The following ARID1B variants were observed in gnomAD, a reference collection of about 807,000 sequenced individuals.
The protein encoded by ARID1B is AT-rich interaction domain 1B, also known as AT-rich interactive domain-containing protein 1B.
A neutral mutation model predicts 212.3 loss-of-function variants in ARID1B; 30 were observed. That is an observed-to-expected ratio of 0.14 (90% CI 0.11 to 0.19). ARID1B has a LOEUF of 0.19. Among genes scored for constraint, ARID1B ranks in the 10% least tolerant of loss-of-function variants. The probability of loss-of-function intolerance (pLI) is 1.00; values close to 1 mark genes in which losing one functional copy is unlikely to be tolerated. For synonymous variants in ARID1B, 1,402 were observed against 1,301.7 expected, an observed-to-expected ratio of 1.08 and a Z score of -1.66; for missense variants, 2,891 against 3,204.0, an observed-to-expected ratio of 0.90 and a Z score of 2.36.
rs950931904 is a variant in ARID1B at position 157,209,143 on chromosome 6, GA to G, written c.*1259del. ...TAATGTAGTTTAAAAAAAAAAAAAA[GA>G]AAAAAACTTGATGTAAATTCCTCCT... On this transcript the variant is annotated 3_prime_UTR_variant, in exon 20 of 20. Coordinates refer to ENST00000636930, the MANE Select transcript of ARID1B (RefSeq NM_001374828.1). The G allele has an allele frequency of 2.1e-4, 46 of 219,788 alleles. No homozygotes were observed. The highest frequency in any genetic ancestry group is 8.7e-4 in the African/African-American group (38 of 43,898). 13.6% of individuals were successfully genotyped at this position (219,788 alleles called of 1,614,324 possible). A position where few individuals can be genotyped will look rare whatever the true frequency, so the allele number is the denominator to read the frequency against.
intron 2 of ARID1B, among the ~76,000 whole-genome samples, chr6:156,874,294 G>C (rs557643249): frequency 1.3e-5 from 2 of 152,130 alleles, no homozygotes; most frequent in Non-Finnish European, 2.9e-5. Context: ...CAAACTCCTG[G>C]TAGGCTCAAG....
At chr6:156,790,201 A>G (rs1319517299) in intron 1 of ARID1B, among the ~76,000 whole-genome samples, 1 of 152,252 alleles carries the variant, frequency 6.6e-6, no homozygotes, top group Non-Finnish European at 1.5e-5. Context: ...GAGGAAATAA[A>G]TTCAGAAGAT....
chr6:157,086,788 G>A (rs554412814), intron 5 of ARID1B, among the ~76,000 whole-genome samples: 1 of 152,312 alleles, frequency 6.6e-6, no homozygotes, highest in Admixed American at 6.5e-5. Flanking sequence ...AGAGGAAGTA[G>A]CTCAGCAAAT....
intron 1 of ARID1B, among the ~76,000 whole-genome samples, chr6:156,808,819 C>G (rs1156302543): frequency 6.6e-6 from 1 of 152,134 alleles, no homozygotes; most frequent in Non-Finnish European, 1.5e-5. Flanking sequence ...AGAGAAACTT[C>G]TTTTAACGAA....
intron 4 of ARID1B, chr6:156,985,318 T>C (rs1777856661): frequency 6.6e-6 from 1 of 152,230 alleles, no homozygotes; most frequent in South Asian, 2.1e-4. Flanking sequence ...TTGATAAACA[T>C]AGTTAGCAAG....
intron 3 of ARID1B, among the ~76,000 whole-genome samples, chr6:156,906,177 A>T (rs1789357956): frequency 6.6e-6 from 1 of 152,230 alleles, no homozygotes; most frequent in East Asian, 1.9e-4. Context: ...GGCTGCTCTC[A>T]AGAAGCTGGG....
chr6:157,158,576 T>C (rs1790715502), intron 8 of ARID1B, among the ~76,000 whole-genome samples: 2 of 152,240 alleles, frequency 1.3e-5, no homozygotes, highest in South Asian at 4.1e-4. Flanking sequence ...GATTGTTACC[T>C]ACTCTGAGTA....
intron 6 of ARID1B, among the ~76,000 whole-genome samples, chr6:157,120,336 G>A (rs1213898391): frequency 1.3e-5 from 2 of 152,188 alleles, no homozygotes; most frequent in Admixed American, 6.5e-5. Context: ...TTGTGGGGTG[G>A]ATGGGGACAG....
rs2128317097 is a variant in ARID1B, at chr6:157,181,055, C to A, written c.3591C>A (p.Asp1197Glu). 6.2e-7 allele frequency: 1 copy of A among 1,614,156 alleles called. No individual in the cohort carries two copies. The highest frequency in any genetic ancestry group is 1.7e-5 in the Admixed American group (1 of 60,024). ...GNEPERKLWV[D>E]RYLTFMEERG... ...AGCCAGAGAGAAAGCTCTGGGTCGA[C>A]CGATACCTCACCTTCATGGAAGAGA... The change falls in exon 12 of 20, where the codon GAC becomes GAA. Residue 1197 changes from aspartate (D) to glutamate (E), a missense_variant. Transcript: ENST00000636930.
At chr6:157,069,570 A>C (rs548223238) in intron 4 of ARID1B, among the ~76,000 whole-genome samples, 3 of 152,100 alleles carry the variant, frequency 2.0e-5, no homozygotes, top group East Asian at 3.9e-4. Flanking sequence ...GTTTTTTGCC[A>C]CTCTTGAACA....
Position 156,840,798 on chromosome 6 carries a change from G to A in ARID1B, c.1986+11377G>A, listed in dbSNP as rs555033278. On this transcript the variant is annotated intron_variant, in intron 2 of 19. Transcript: ENST00000636930. ...GCTGTCTTGCTGTGTCATGTCCGGG[G>A]TCTGTGTTTCTTCCTCTCTGATTCT... Among the ~76,000 whole-genome samples the A allele has an allele frequency of 3.9e-5, 6 of 152,318 alleles. No individual in the cohort carries two copies. The South Asian group carries it at 1.0e-3, about 26-fold the overall frequency.
At chr6:156,971,964 G>A (rs574630098) in intron 4 of ARID1B, among the ~76,000 whole-genome samples, 3 of 152,194 alleles carry the variant, frequency 2.0e-5, no homozygotes, top group South Asian at 2.1e-4. Context: ...CTTGAGGCTC[G>A]AGCGCCCTAG....
At position 156,809,713 on chromosome 6, in the gene ARID1B, GAAAAAAAA is replaced by G. The variant is rs370188789; in HGVS notation, c.1792-19500_1792-19493del. On this transcript the variant is annotated intron_variant, in intron 1 of 19. Coordinates refer to ENST00000636930, the MANE Select transcript of ARID1B (RefSeq NM_001374828.1). ...CATGTGAAGATTTGCCTTTTTCAAA[GAAAAAAAA>G]AAAAAAAAAAAAAGGACTCCCTTTC... Among the ~76,000 whole-genome samples the G allele has an allele frequency of 5.7e-5, 6 of 104,452 alleles. No homozygotes were observed. In the South Asian group the frequency reaches 1.9e-3, roughly 32 times the overall value. The allele number at this position is 104,452 out of a possible 152,430, so 68.5% of individuals were successfully genotyped here.
At chr6:156,810,586 C>G (rs1781490121) in intron 1 of ARID1B, among the ~76,000 whole-genome samples, 1 of 152,226 alleles carries the variant, frequency 6.6e-6, no homozygotes, top group Admixed American at 6.5e-5. Flanking sequence ...TTTTAGAACA[C>G]AGGTTTCCTC....
At chr6:157,010,221 C>T (rs1261384915) in intron 4 of ARID1B, among the ~76,000 whole-genome samples, 1 of 149,620 alleles carries the variant, frequency 6.7e-6, no homozygotes, top group East Asian at 1.9e-4. Context: ...ATTATTTACT[C>T]CTGATCAGTA....
At chr6:156,890,700 A>G (rs1342322598) in intron 2 of ARID1B, among the ~76,000 whole-genome samples, 2 of 152,200 alleles carry the variant, frequency 1.3e-5, no homozygotes, top group East Asian at 3.9e-4. Flanking sequence ...ACCCTTTTGT[A>G]TACTTTGCCA....
chr6:156,998,594 G>C (rs1447698515), intron 4 of ARID1B, among the ~76,000 whole-genome samples: 1 of 152,186 alleles, frequency 6.6e-6, no homozygotes, highest in Non-Finnish European at 1.5e-5. Flanking sequence ...ACTGCTGCGA[G>C]CTGACAGTGG....
chr6:156,778,423 G>A lies in ARID1B; in HGVS notation c.743G>A (p.Ser248Asn), dbSNP rs1562376274. ...EQPQHGGAKD[S>N]AAGGQADPPG... The stretch of plus-strand genomic sequence containing the variant: ...CCGCAACATGGAGGCGCCAAGGACA[G>A]TGCTGCGGGCGGCCAGGCCGACCCC... Residue 248 changes from serine (S) to asparagine (N), a missense_variant, in exon 1 of 20, where the codon AGT (serine) becomes AAT (asparagine). Ser to Asn is a conservative substitution (Grantham distance 46). Coordinates refer to ENST00000636930, the MANE Select transcript of ARID1B (RefSeq NM_001374828.1). 6.7e-7 allele frequency: 1 copy of A among 1,499,050 alleles called. No homozygotes were observed. Among genetic ancestry groups the A allele is most frequent in the South Asian group, 1.2e-5 (1 of 80,128 alleles). The allele number at this position is 1,499,050 out of a possible 1,614,324, so 92.9% of individuals were successfully genotyped here. A position where few individuals can be genotyped will look rare whatever the true frequency, so the allele number is the denominator to read the frequency against.
At chr6:156,886,965 T>C (rs988269270) in intron 2 of ARID1B, among the ~76,000 whole-genome samples, 1 of 152,240 alleles carries the variant, frequency 6.6e-6, no homozygotes, top group Non-Finnish European at 1.5e-5. Context: ...ATAATGCTTT[T>C]GTGTTCCACT....
Sources: gnomAD v4.1 joint callset for allele counts (sites outside exome capture counted in the v4.1 genomes callset) on GRCh38, gnomAD v4.1.1 for gene constraint, MANE v1.5 for transcripts, NCBI Gene and HGNC (gene_info 2026-07-23, HGNC 2026-07-21) for gene names.